DNMT3A: variants seen among roughly 807,000 people sequenced by gnomAD.
DNMT3A encodes DNA (cytosine-5)-methyltransferase 3A.
Under a neutral mutation model 117.6 loss-of-function variants are expected in DNMT3A, and 267 were observed. That is an observed-to-expected ratio of 2.27 (90% confidence interval 2.05 to 2.51). DNMT3A has a LOEUF of 2.51. Ranked by LOEUF, DNMT3A falls within the 30% of genes most tolerant of loss-of-function variation. The probability of loss-of-function intolerance (pLI) is 0.00; values close to 1 mark genes in which losing one functional copy is unlikely to be tolerated. For missense variants in DNMT3A, 1,029 were observed against 1,260.2 expected, an observed-to-expected ratio of 0.82 and a Z score of 2.78; for synonymous variants, 432 against 474.8, an observed-to-expected ratio of 0.91 and a Z score of 1.17.
At chr2:25,342,027 C>T, upstream of DNMT3A, 1 of 782,932 alleles carries the variant, frequency 1.3e-6, no homozygotes, top group Non-Finnish European at 1.5e-6. This position sits in a 1 kb window ranked among gnomAD's most constrained non-coding sequence, Gnocchi z 5.9. Flanking sequence ...CGGGTCCCCC[C>T]CTCCCACCCC....
Position 25,283,559 on chromosome 2 carries a change from G to A in DNMT3A, c.178-848C>T, listed in dbSNP as rs190655772. Among the ~76,000 whole-genome samples, 580 of 152,158 alleles carry A rather than the reference G, an allele frequency of 3.8e-3. 4 individuals are homozygous for A. The highest frequency in any genetic ancestry group is 0.013 in the African/African-American group (534 of 41,508). On this transcript the variant is annotated intron_variant, in intron 3 of 22. Transcript: ENST00000321117. Reference sequence around the variant, plus strand: ...AGGAGGACCCCCAAAAAACCATTCTGTAGGCTCATAGCCTAGCGTAGCCTT... The same window carrying A: ...AGGAGGACCCCCAAAAAACCATTCTATAGGCTCATAGCCTAGCGTAGCCTT...
chr2:25,328,543 A>G, intron 1 of DNMT3A: 1 of 435,350 alleles, frequency 2.3e-6, no homozygotes, highest in African/African-American at 2.0e-5. Flanking sequence ...TTTCTCAAAG[A>G]GACGAGGTCA....
Position 25,264,132 on chromosome 2 carries a change from G to GTTTTTTTTTTTTTTTTTTTT in DNMT3A, c.639+10789_639+10808dup, listed in dbSNP as rs1175186554. On this transcript the variant is annotated intron_variant, in intron 6 of 22. Transcript: ENST00000321117. Reference sequence around the variant, plus strand: ...TCAGTAAAGGCTGGACAACCCTTTGGTTTTTTTTTTTTTTTTTTTTTTTTT... The same window carrying GTTTTTTTTTTTTTTTTTTTT: ...TCAGTAAAGGCTGGACAACCCTTTGGTTTTTTTTTTTTTTTTTTTTTTTTTTTTTTTTTTTTTTTTTTTTT... Among the ~76,000 whole-genome samples, 16 of 73,758 alleles carry GTTTTTTTTTTTTTTTTTTTT rather than the reference G, an allele frequency of 2.2e-4. 1 individual carries two copies. The highest frequency in any genetic ancestry group is 1.3e-3 in the South Asian group (2 of 1,512). 48.4% of individuals were successfully genotyped at this position (73,758 alleles called of 152,430 possible).
chr2:25,331,022 G>A (rs201300117), intron 1 of DNMT3A, among the ~76,000 whole-genome samples: 1 of 152,236 alleles, frequency 6.6e-6, no homozygotes, highest in East Asian at 1.9e-4. Flanking sequence ...ACCAGAGGAA[G>A]TGCAGAAGCG....
intron 2 of DNMT3A, among the ~76,000 whole-genome samples, chr2:25,312,639 T>G (rs964798124): frequency 6.6e-6 from 1 of 152,200 alleles, no homozygotes; most frequent in Admixed American, 6.5e-5. Flanking sequence ...CTTCCTCATC[T>G]GTAAACTGGG....
At chr2:25,303,717 A>G (rs1409263288) in intron 2 of DNMT3A, among the ~76,000 whole-genome samples, 1 of 152,354 alleles carries the variant, frequency 6.6e-6, no homozygotes, top group South Asian at 2.1e-4. Flanking sequence ...TGTGAAAAGC[A>G]TGTTCTCTTC....
upstream of DNMT3A, chr2:25,341,959 C>T (rs980331435): frequency 7.1e-5 from 69 of 973,206 alleles, no homozygotes; most frequent in Non-Finnish European, 7.7e-5. Context: ...CTGCCTGCCT[C>T]GCTCGCTCGC....
chr2:25,263,487 T>C (rs1459305174), intron 6 of DNMT3A, among the ~76,000 whole-genome samples: 1 of 152,156 alleles, frequency 6.6e-6, no homozygotes, highest in African/African-American at 2.4e-5. Flanking sequence ...AGTATCATGT[T>C]TATTTACCAA....
rs74711409 is a variant in DNMT3A, at chr2:25,293,011, G to GA, written c.177+7127dup. On this transcript the variant is annotated intron_variant, in intron 3 of 22. Coordinates refer to ENST00000321117, the MANE Select transcript of DNMT3A (RefSeq NM_022552.5). The surrounding 1 kb of genome is among the most constrained non-coding windows in gnomAD (Gnocchi z 4.7). The stretch of plus-strand genomic sequence containing the variant: ...AAAATAAACAGAGGGATTATTTTTG[G>GA]AAAAAAAAAAAAAGGAGATTCTGAG... Among the ~76,000 whole-genome samples the GA allele has an allele frequency of 9.3e-4, 130 of 139,318 alleles. No individual in the cohort carries two copies. The highest frequency in any genetic ancestry group is 3.6e-3 in the Middle Eastern group (1 of 280). The allele number at this position is 139,318 out of a possible 152,430, so 91.4% of individuals were successfully genotyped here.
intron 6 of DNMT3A, among the ~76,000 whole-genome samples, chr2:25,253,336 T>A (rs1487041734): frequency 6.6e-6 from 1 of 152,060 alleles, no homozygotes; most frequent in Non-Finnish European, 1.5e-5. Flanking sequence ...TGGAGAAATA[T>A]GAAAGGATCA....
intron 13 of DNMT3A, 121 bp from the exon 14 acceptor site, chr2:25,244,773 C>CAGGCCCCAG: frequency 1.3e-6 from 1 of 798,386 alleles, no homozygotes; most frequent in East Asian, 2.6e-5. Context: ...CCCGCCACCA[C>CAGGCCCCAG]CTTAGCCAGG....
At chr2:25,342,064 C>G (rs1251811557), upstream of DNMT3A, among the ~76,000 whole-genome samples, 3 of 143,728 alleles carry the variant, frequency 2.1e-5, no homozygotes, top group African/African-American at 7.5e-5. The surrounding 1 kb of genome is among the most constrained non-coding windows in gnomAD (Gnocchi z 5.9). Flanking sequence ...CCTTCCCTCC[C>G]TCCGGCCGCC....
chr2:25,300,853 C>T (rs1263904356), intron 2 of DNMT3A, among the ~76,000 whole-genome samples: 1 of 142,208 alleles, frequency 7.0e-6, no homozygotes. Context: ...CCACATTTTC[C>T]GAACCATAAA....
At position 25,327,697 on chromosome 2, in the gene DNMT3A, C is replaced by T. The variant is rs969961401; in HGVS notation, c.-177-13536G>A. Among the ~76,000 whole-genome samples the T allele has an allele frequency of 9.8e-5, 15 of 152,330 alleles. No individual in the cohort carries two copies. The highest frequency in any genetic ancestry group is 3.6e-4 in the African/African-American group (15 of 41,574). ...CTGGGCATAAGTTAACATACGCCTC[C>T]TACTGCCAGGGGCTCCAGCTCTATT... On this transcript the variant is annotated intron_variant, in intron 1 of 22. Coordinates refer to ENST00000321117, the MANE Select transcript of DNMT3A (RefSeq NM_022552.5). This position sits in a 1 kb window ranked among gnomAD's most constrained non-coding sequence, Gnocchi z 4.1.
rs554078391 is a variant in DNMT3A, at chr2:25,308,204, G to A, written c.72+5709C>T. On this transcript the variant is annotated intron_variant, in intron 2 of 22. Transcript: ENST00000321117. ...GGCAGGTAGGTGGGTGGGTGGATGG[G>A]TAGGTAGATATCCAAAATAAATTAT... Among the ~76,000 whole-genome samples the A allele has an allele frequency of 2.6e-5, 4 of 152,278 alleles. No homozygotes were observed. In the East Asian group the frequency reaches 7.7e-4, roughly 29 times the overall value.
chr2:25,252,626 G>A lies in DNMT3A; in HGVS notation c.640-4374C>T, dbSNP rs2149327819. 6.6e-6 allele frequency among the ~76,000 whole-genome samples: 1 copy of A among 151,980 alleles called. No individual in the cohort carries two copies. The highest frequency in any genetic ancestry group is 2.1e-4 in the South Asian group (1 of 4,820). On this transcript the variant is annotated intron_variant, in intron 6 of 22. Transcript: ENST00000321117. This position sits in a 1 kb window ranked among gnomAD's most constrained non-coding sequence, Gnocchi z 5.5. ...GGAAGAGATTAGCGCGGGGCCGGGG[G>A]GCCGGGAGGGGAGGGAAGGGGCTGC... is the stretch of plus-strand genomic sequence containing the variant.
intron 1 of DNMT3A, among the ~76,000 whole-genome samples, chr2:25,329,319 A>C (rs2149445382): frequency 6.6e-6 from 1 of 152,310 alleles, no homozygotes; most frequent in African/African-American, 2.4e-5. Flanking sequence ...GGTGAGAAAG[A>C]GTCCCTATTT....
At chr2:25,283,990 T>A (rs1306263538) in intron 3 of DNMT3A, among the ~76,000 whole-genome samples, 1 of 152,120 alleles carries the variant, frequency 6.6e-6, no homozygotes, top group African/African-American at 2.4e-5. Context: ...TGCTCTGCTG[T>A]GTATATATAT....
chr2:25,238,814 C>A (rs531683235), intron 20 of DNMT3A, among the ~76,000 whole-genome samples: 10 of 152,314 alleles, frequency 6.6e-5, no homozygotes, highest in African/African-American at 2.2e-4. Flanking sequence ...AATCTAAGAA[C>A]CAGAGGGCTC....
Sources: gnomAD v4.1 joint callset for allele counts (sites outside exome capture counted in the v4.1 genomes callset) on GRCh38, gnomAD v4.1.1 for gene constraint, Gnocchi (gnomAD v3.1) non-coding constraint, MANE v1.5 for transcripts, NCBI Gene and HGNC (gene_info 2026-07-23, HGNC 2026-07-21) for gene names.